Variants in WDR41 observed in about 807,000 individuals in gnomAD.
WDR41 encodes WD repeat domain 41.
A neutral mutation model predicts 69.3 loss-of-function variants in WDR41; 63 were observed. The observed-to-expected ratio is 0.91, with a 90% CI of 0.74 to 1.12. WDR41 has a LOEUF of 1.12. Ranked by LOEUF, WDR41 falls within the 50% of genes most tolerant of loss-of-function variation. WDR41 has a pLI of 0.00. For synonymous variants in WDR41, 185 were observed against 192.1 expected (o/e 0.96, Z 0.31); for missense variants, 543 against 534.5 (o/e 1.02, Z -0.16).
chr5:77,509,586 AAGGC>A (rs1462195162), intron 1 of WDR41, among the ~76,000 whole-genome samples: 6 of 152,194 alleles, frequency 3.9e-5, no homozygotes, highest in African/African-American at 1.4e-4. Context: ...GAAGTGAAAG[AAGGC>A]AGTCACAAAG....
At chr5:77,588,804 C>A (rs1427571345) in intron 1 of WDR41, among the ~76,000 whole-genome samples, 1 of 152,088 alleles carries the variant, frequency 6.6e-6, no homozygotes, top group Non-Finnish European at 1.5e-5. Context: ...TAAAAAAAAT[C>A]TTTAATATTA....
intron 2 of WDR41, among the ~76,000 whole-genome samples, chr5:77,482,501 G>A (rs1330923055): frequency 1.3e-5 from 2 of 151,006 alleles, no homozygotes; most frequent in Non-Finnish European, 2.9e-5. Context: ...CTGTCTTGTC[G>A]AGTTCTCACA....
At chr5:77,521,838 A>T (rs1378206013) in intron 1 of WDR41, among the ~76,000 whole-genome samples, 8 of 152,146 alleles carry the variant, frequency 5.3e-5, no homozygotes, top group African/African-American at 1.9e-4. Flanking sequence ...GTACACCACT[A>T]TCTTTATAAA....
intron 8 of WDR41, 47 bp downstream of exon 8, chr5:77,449,713 T>C: frequency 3.7e-6 from 5 of 1,353,346 alleles, no homozygotes; most frequent in Non-Finnish European, 5.3e-6. Context: ...GCAGGTTGTG[T>C]TAACAAGCAC....
chr5:77,447,284 G>A (rs1346187481), intron 8 of WDR41, among the ~76,000 whole-genome samples: 2 of 152,202 alleles, frequency 1.3e-5, no homozygotes, highest in African/African-American at 2.4e-5. Flanking sequence ...CAAGGCTGTG[G>A]AGAATGGGAA....
intron 1 of WDR41, among the ~76,000 whole-genome samples, chr5:77,609,400 C>T (rs2112337184): frequency 6.6e-6 from 1 of 152,310 alleles, no homozygotes; most frequent in Admixed American, 6.5e-5. Context: ...AACTGGGAGG[C>T]ACCCCCCAGT....
chr5:77,552,600 G>T (rs372258736), intron 1 of WDR41, among the ~76,000 whole-genome samples: 1 of 152,226 alleles, frequency 6.6e-6, no homozygotes, highest in East Asian at 1.9e-4. Context: ...TGATAGAGAA[G>T]AAAGACAAAG....
At chr5:77,461,642 C>A (rs1800067912) in intron 4 of WDR41, among the ~76,000 whole-genome samples, 1 of 152,118 alleles carries the variant, frequency 6.6e-6, no homozygotes, top group South Asian at 2.1e-4. Context: ...TCGAGGCCAG[C>A]CTGGCCAATA....
intron 1 of WDR41, among the ~76,000 whole-genome samples, chr5:77,589,841 T>C (rs993010894): frequency 5.3e-5 from 8 of 152,194 alleles, no homozygotes; most frequent in African/African-American, 1.9e-4. Context: ...TAGCACTAGC[T>C]AAGACTTCAG....
chr5:77,555,699 C>A (rs1352786946), intron 1 of WDR41, among the ~76,000 whole-genome samples: 10 of 152,004 alleles, frequency 6.6e-5, no homozygotes, highest in Non-Finnish European at 1.5e-4. Context: ...TGGGTAAGAT[C>A]CTTATGAAGA....
At position 77,433,150 on chromosome 5, in the gene WDR41, TAA is replaced by T; in HGVS notation, c.1363_1364del (p.Leu455IlefsTer7). 1 of 1,613,376 alleles carries T rather than the reference TAA, an allele frequency of 6.2e-7. No homozygotes were observed. The highest frequency in any genetic ancestry group is 8.5e-7 in the Non-Finnish European group (1 of 1,179,752). ...LFQKLEENGD[L>X]YLAV ...ATTCCTTAAACTAGACAGCAAGGTA[TAA>T]GTCACCATTCTCCTCTAATTTTTGA... is the stretch of plus-strand genomic sequence containing the variant. On this transcript the variant is annotated frameshift_variant, in exon 13 of 13. Coordinates refer to ENST00000296679, the MANE Select transcript of WDR41 (RefSeq NM_018268.4). LOFTEE classifies it high-confidence loss of function.
intron 1 of WDR41, chr5:77,583,107 T>C (rs1743971197): frequency 2.6e-6 from 4 of 1,545,350 alleles, no homozygotes; most frequent in South Asian, 1.1e-5. Flanking sequence ...ACAGGCTTAC[T>C]AGAAGAATGA....
chr5:77,509,965 C>T (rs1802173281), intron 1 of WDR41, among the ~76,000 whole-genome samples: 1 of 152,096 alleles, frequency 6.6e-6, no homozygotes, highest in Non-Finnish European at 1.5e-5. Context: ...TTAATAGAAC[C>T]TCTTAAGAAA....
At position 77,431,050 on chromosome 5, in the gene WDR41, G is replaced by A. The variant is rs1221732077; in HGVS notation, c.*2085C>T. 2 of 152,180 alleles carry A rather than the reference G, an allele frequency of 1.3e-5. No individual in the cohort carries two copies. Among genetic ancestry groups the A allele is most frequent in the Admixed American group, 1.3e-4 (2 of 15,272 alleles). 9.4% of individuals were successfully genotyped at this position (152,180 alleles called of 1,614,324 possible). A position where few individuals can be genotyped will look rare whatever the true frequency, so the allele number is the denominator to read the frequency against. On this transcript the variant is annotated 3_prime_UTR_variant, in exon 13 of 13. Coordinates refer to ENST00000296679, the MANE Select transcript of WDR41 (RefSeq NM_018268.4). ...CAGTGAAGATGCTGTAAACATAGTT[G>A]AAATGACAACAAAGGATTTAGAATA...
chr5:77,464,697 T>G, intron 3 of WDR41, 64 bp downstream of exon 3: 1 of 1,474,508 alleles, frequency 6.8e-7, no homozygotes, highest in Non-Finnish European at 9.5e-7. Context: ...AGTATTTATA[T>G]GAATACATAC....
intron 1 of WDR41, among the ~76,000 whole-genome samples, chr5:77,578,864 CAAAAAAAAAAA>C (rs55920763): frequency 7.8e-5 from 6 of 77,172 alleles, no homozygotes; most frequent in Middle Eastern, 0.02. Context: ...AACTCCATCT[CAAAAAAAAAAA>C]AAAAAAAAAA....
chr5:77,611,382 C>G lies in WDR41; in HGVS notation c.42+9097G>C, dbSNP rs533103480. ...TTTTCAGCACCACACCACACCTATT[C>G]CAAAATTGACCACATAGTTGGAAGT... is the stretch of plus-strand genomic sequence containing the variant. On this transcript the variant is annotated intron_variant, in intron 1 of 5. Coordinates refer to the WDR41 transcript ENST00000509971. Among the ~76,000 whole-genome samples, 12 of 152,338 alleles carry G rather than the reference C, an allele frequency of 7.9e-5. No homozygotes were observed. In the East Asian group the frequency reaches 2.3e-3, roughly 29 times the overall value.
intron 1 of WDR41, among the ~76,000 whole-genome samples, chr5:77,566,360 C>T (rs754920662): frequency 2.6e-5 from 4 of 152,056 alleles, no homozygotes; most frequent in Non-Finnish European, 5.9e-5. Flanking sequence ...GTTTAGGTCT[C>T]CCTGGGTCTC....
At chr5:77,527,572 C>A (rs189911196) in intron 1 of WDR41, among the ~76,000 whole-genome samples, 104 of 151,876 alleles carry the variant, frequency 6.8e-4, no homozygotes, top group Admixed American at 2.9e-3. Context: ...ACAGACTATA[C>A]AATTTAAACA....
Sources: gnomAD v4.1 joint callset for allele counts (sites outside exome capture counted in the v4.1 genomes callset) on GRCh38, gnomAD v4.1.1 for gene constraint, MANE v1.5 for transcripts, NCBI Gene and HGNC (gene_info 2026-07-23, HGNC 2026-07-21) for gene names.